MTUS2: variants seen among roughly 807,000 people sequenced by gnomAD.
MTUS2 encodes microtubule-associated tumor suppressor candidate 2.
A neutral mutation model predicts 114.1 loss-of-function variants in MTUS2; 40 were observed. The ratio of observed to expected loss-of-function variants is 0.35; its 90% CI spans 0.27 to 0.46. The LOEUF is 0.46. Ranked by LOEUF, MTUS2 falls within the 20% of genes least tolerant of loss-of-function variation. The probability of loss-of-function intolerance (pLI) is 1.00; values close to 1 mark genes in which losing one functional copy is unlikely to be tolerated. For missense variants in MTUS2, 1,679 were observed against 1,705.4 expected (o/e 0.98, Z 0.27); for synonymous variants, 688 against 672.0 (o/e 1.02, Z -0.37).
intron 2 of MTUS2, among the ~76,000 whole-genome samples, chr13:28,984,298 T>C (rs1457854918): frequency 6.6e-6 from 1 of 152,156 alleles, no homozygotes; most frequent in Admixed American, 6.5e-5. Context: ...TTGGGAAAAA[T>C]GAGACTCTAA....
intron 1 of MTUS2, among the ~76,000 whole-genome samples, chr13:28,822,415 G>A (rs1873967092): frequency 6.6e-6 from 1 of 152,248 alleles, no homozygotes; most frequent in South Asian, 2.1e-4. Flanking sequence ...AAATTGGAGG[G>A]AACAGCAGGG....
intron 1 of MTUS2, among the ~76,000 whole-genome samples, chr13:28,824,010 A>T (rs1366343604): frequency 6.6e-6 from 1 of 152,184 alleles, no homozygotes; most frequent in African/African-American, 2.4e-5. Flanking sequence ...CTCTCATGAC[A>T]CATGGGGATT....
chr13:28,871,898 G>T (rs76596114), intron 2 of MTUS2, among the ~76,000 whole-genome samples: 3,241 of 152,214 alleles, frequency 0.021, 52 homozygotes, highest in Non-Finnish European at 0.036. Flanking sequence ...GCAAAGGCCC[G>T]GTGGAGGGAT....
At chr13:28,869,549 G>T (rs562302623) in intron 2 of MTUS2, among the ~76,000 whole-genome samples, 15 of 152,242 alleles carry the variant, frequency 9.9e-5, no homozygotes, top group African/African-American at 3.6e-4. Flanking sequence ...GAGGTGGGTG[G>T]ATCACGGGGT....
chr13:29,417,939 T>C (rs1197071456), intron 8 of MTUS2, among the ~76,000 whole-genome samples: 1 of 152,232 alleles, frequency 6.6e-6, no homozygotes, highest in Non-Finnish European at 1.5e-5. Flanking sequence ...TGGTGCCTTT[T>C]GTCTTGGAAC....
chr13:29,266,040 G>A (rs973903267), intron 5 of MTUS2, among the ~76,000 whole-genome samples: 7 of 152,038 alleles, frequency 4.6e-5, no homozygotes, highest in Non-Finnish European at 8.8e-5. Flanking sequence ...CATAGTTATC[G>A]CCCTGGAAAG....
chr13:29,022,826 G>A (rs1354701470), intron 2 of MTUS2, among the ~76,000 whole-genome samples: 2 of 152,196 alleles, frequency 1.3e-5, no homozygotes, highest in Non-Finnish European at 2.9e-5. Flanking sequence ...TAACAGAAAA[G>A]CATATCCTGT....
chr13:29,260,599 G>T (rs1382868184), intron 5 of MTUS2, among the ~76,000 whole-genome samples: 1 of 152,162 alleles, frequency 6.6e-6, no homozygotes, highest in African/African-American at 2.4e-5. Flanking sequence ...TACCTATATA[G>T]TCCCCATGTA....
chr13:29,012,333 G>T (rs1003208783), intron 2 of MTUS2, among the ~76,000 whole-genome samples: 10 of 152,058 alleles, frequency 6.6e-5, no homozygotes, highest in African/African-American at 2.4e-4. Context: ...TGCCCTCCCT[G>T]GAATTAGCTT....
At chr13:29,078,099 C>CT (rs916342705) in intron 4 of MTUS2, among the ~76,000 whole-genome samples, 5 of 150,338 alleles carry the variant, frequency 3.3e-5, no homozygotes, top group African/African-American at 9.8e-5. Flanking sequence ...AAATTTTCAT[C>CT]TTTTTTTTGG....
At chr13:29,348,628 T>A (rs549215213) in intron 7 of MTUS2, among the ~76,000 whole-genome samples, 99 of 152,366 alleles carry the variant, frequency 6.5e-4, no homozygotes, top group Non-Finnish European at 1.3e-3. Flanking sequence ...TCTGTCTACA[T>A]GTCCTACCAG....
intron 5 of MTUS2, among the ~76,000 whole-genome samples, chr13:29,268,610 GC>G (rs1226356901): frequency 6.6e-6 from 1 of 151,904 alleles, no homozygotes; most frequent in Non-Finnish European, 1.5e-5. Context: ...TCTTTCCACA[GC>G]CCTCCATGGT....
intron 4 of MTUS2, among the ~76,000 whole-genome samples, chr13:29,061,278 C>T (rs1413188137): frequency 6.6e-6 from 1 of 152,064 alleles, no homozygotes. Context: ...TATAAAGTAA[C>T]CTTTCTTCTA....
chr13:28,862,124 T>C (rs1877026391), intron 2 of MTUS2, among the ~76,000 whole-genome samples: 1 of 152,076 alleles, frequency 6.6e-6, no homozygotes, highest in Non-Finnish European at 1.5e-5. Flanking sequence ...GAATAGAAAA[T>C]GTGTGCATGA....
At position 28,970,526 on chromosome 13, in the gene MTUS2, G is replaced by A. The variant is rs145500798; in HGVS notation, c.-242-53931G>A. ...AGGGACTGTGTGGCCTGCAAAGCCT[G>A]AAGTATTTGCTCTATGGCTGTTCGT... On this transcript the variant is annotated intron_variant, in intron 2 of 15. Coordinates refer to ENST00000612955, the MANE Select transcript of MTUS2 (RefSeq NM_001033602.4). 4.6e-5 allele frequency among the ~76,000 whole-genome samples: 7 copies of A among 152,358 alleles called. No individual in the cohort carries two copies. In the East Asian group the frequency reaches 1.2e-3, roughly 25 times the overall value.
At chr13:29,454,296 GA>G (rs1316541624) in intron 9 of MTUS2, among the ~76,000 whole-genome samples, 5 of 152,198 alleles carry the variant, frequency 3.3e-5, no homozygotes, top group African/African-American at 1.2e-4. Flanking sequence ...TAGCCAGTCA[GA>G]AAGATGATTC....
intron 1 of MTUS2, among the ~76,000 whole-genome samples, chr13:28,836,377 T>C (rs976025436): frequency 6.6e-6 from 1 of 152,196 alleles, no homozygotes; most frequent in Admixed American, 6.5e-5. Flanking sequence ...AGACACAGCA[T>C]GGTATACTGG....
In MTUS2 at chr13:29,114,429, C is replaced by T. The variant is rs1428410625; in HGVS notation, c.2644+13459C>T. On this transcript the variant is annotated intron_variant, in intron 5 of 15. Coordinates refer to ENST00000612955, the MANE Select transcript of MTUS2 (RefSeq NM_001033602.4). ...TTGTGATCAGAGCCATATCCATCCT[C>T]ATATGTAAGAGCAGCAGAGCAGATG... Among the ~76,000 whole-genome samples the T allele has an allele frequency of 2.6e-5, 4 of 152,180 alleles. No individual in the cohort carries two copies. In the East Asian group the frequency reaches 7.7e-4, roughly 29 times the overall value.
At chr13:29,185,843 TGTTGAATAAAAAGGACATTATAGAA>T (rs1303313541) in intron 5 of MTUS2, among the ~76,000 whole-genome samples, 63 of 152,176 alleles carry the variant, frequency 4.1e-4, no homozygotes, top group East Asian at 2.1e-3. Context: ...AAGCAGTTTG[TGTTGAATAAAAAGGACATTATAGAA>T]GTTGAATAAA....
Sources: gnomAD v4.1 joint callset for allele counts (sites outside exome capture counted in the v4.1 genomes callset) on GRCh38, gnomAD v4.1.1 for gene constraint, MANE v1.5 for transcripts, NCBI Gene and HGNC (gene_info 2026-07-23, HGNC 2026-07-21) for gene names.